Variants in MAGI1 observed in about 807,000 individuals in gnomAD.
The protein encoded by MAGI1 is membrane associated guanylate kinase, WW and PDZ domain containing 1, also known as membrane-associated guanylate kinase, WW and PDZ domain-containing protein 1.
Under a neutral mutation model 139.9 loss-of-function variants are expected in MAGI1, and 58 were observed. The ratio of observed to expected loss-of-function variants is 0.41; its 90% CI spans 0.34 to 0.52. The LOEUF is 0.52. Among genes scored for constraint, MAGI1 ranks in the 20% least tolerant of loss-of-function variants. The probability of loss-of-function intolerance (pLI) is 0.12; values close to 1 mark genes in which losing one functional copy is unlikely to be tolerated. For missense variants in MAGI1, 1,874 were observed against 1,901.6 expected, an observed-to-expected ratio of 0.99 and a Z score of 0.27; for synonymous variants, 812 against 737.9, an observed-to-expected ratio of 1.10 and a Z score of -1.63.
At chr3:65,401,374 C>CCCCCACCCCCCCCCCCCCCAA in intron 13 of MAGI1, 65 bp downstream of exon 13, 1 of 985,882 alleles carries the variant, frequency 1.0e-6, no homozygotes, top group Non-Finnish European at 1.6e-6. Flanking sequence ...GAGTACCCTC[C>CCCCCACCCCCCCCCCCCCCAA]CACCTCCAGC....
chr3:65,727,278 C>T (rs2033725543), intron 1 of MAGI1, among the ~76,000 whole-genome samples: 1 of 152,194 alleles, frequency 6.6e-6, no homozygotes, highest in South Asian at 2.1e-4. Context: ...TAGGAATTCA[C>T]AGAACACAGT....
At chr3:66,001,346 AATT>A (rs1560099275) in intron 1 of MAGI1, among the ~76,000 whole-genome samples, 1 of 152,194 alleles carries the variant, frequency 6.6e-6, no homozygotes, top group African/African-American at 2.4e-5. Context: ...AATATCTAAA[AATT>A]ATTATGATTA....
intron 2 of MAGI1, among the ~76,000 whole-genome samples, chr3:65,619,245 T>C (rs1384323975): frequency 6.6e-6 from 1 of 152,198 alleles, no homozygotes; most frequent in Non-Finnish European, 1.5e-5. Flanking sequence ...TGTTGCTTCA[T>C]CTTTTGGCCA....
At chr3:65,455,906 G>A (rs56848495) in intron 5 of MAGI1, among the ~76,000 whole-genome samples, 18,591 of 152,090 alleles carry the variant, frequency 0.12, 2,464 homozygotes, top group East Asian at 0.73. Context: ...TGGAATGAAT[G>A]TATCACAGCC....
chr3:65,745,404 T>C (rs2035617755), intron 1 of MAGI1, among the ~76,000 whole-genome samples: 1 of 152,150 alleles, frequency 6.6e-6, no homozygotes, highest in Admixed American at 6.5e-5. Flanking sequence ...AAGATCATCT[T>C]GCACAGTTCT....
chr3:65,568,606 T>C (rs1576346049), intron 2 of MAGI1, among the ~76,000 whole-genome samples: 1 of 152,154 alleles, frequency 6.6e-6, no homozygotes, highest in East Asian at 1.9e-4. Context: ...TAAAATGTAT[T>C]CATTCGTTCT....
intron 2 of MAGI1, among the ~76,000 whole-genome samples, chr3:65,517,185 C>A (rs1242232973): frequency 6.6e-6 from 1 of 152,140 alleles, no homozygotes; most frequent in Non-Finnish European, 1.5e-5. Flanking sequence ...AGAATCATGC[C>A]TCAGGGCCTT....
intron 2 of MAGI1, among the ~76,000 whole-genome samples, chr3:65,587,456 TTTTA>T (rs1168338249): frequency 6.6e-6 from 1 of 151,792 alleles, no homozygotes; most frequent in East Asian, 1.9e-4. Flanking sequence ...TTCTTTGCCA[TTTTA>T]TTTTATTATT....
At chr3:65,876,608 A>G (rs1236205872) in intron 1 of MAGI1, among the ~76,000 whole-genome samples, 1 of 152,184 alleles carries the variant, frequency 6.6e-6, no homozygotes, top group East Asian at 1.9e-4. Context: ...GCCAGAAGGA[A>G]CAGCTTACAG....
chr3:65,933,855 G>A (rs2062920516), intron 1 of MAGI1, among the ~76,000 whole-genome samples: 1 of 152,294 alleles, frequency 6.6e-6, no homozygotes, highest in African/African-American at 2.4e-5. Context: ...GTCAGGTGCG[G>A]GGGCTCATGC....
chr3:65,876,591 G>T (rs2060127177), intron 1 of MAGI1, among the ~76,000 whole-genome samples: 1 of 152,072 alleles, frequency 6.6e-6, no homozygotes, highest in South Asian at 2.1e-4. Context: ...TAAATATAGA[G>T]GGAAATGCCA....
intron 1 of MAGI1, among the ~76,000 whole-genome samples, chr3:65,708,003 T>C (rs941084612): frequency 1.8e-4 from 27 of 152,312 alleles, no homozygotes; most frequent in African/African-American, 6.3e-4. Flanking sequence ...GTCTACACAC[T>C]TTAAAAGCAT....
At position 65,423,388 on chromosome 3, in the gene MAGI1, A is replaced by G. The variant is rs967032032; in HGVS notation, c.2167+6132T>C. ...CACACGTGCGTGCACACACGCGCAC[A>G]CACACACACACAGAGAAGAGCTAAT... On this transcript the variant is annotated intron_variant, in intron 12 of 22. Transcript: ENST00000402939. Among the ~76,000 whole-genome samples, 6 of 152,260 alleles carry G rather than the reference A, an allele frequency of 3.9e-5. No individual in the cohort carries two copies. In the South Asian group the frequency reaches 6.2e-4, roughly 16 times the overall value.
chr3:65,773,268 C>T (rs966265372), intron 1 of MAGI1, among the ~76,000 whole-genome samples: 2 of 152,160 alleles, frequency 1.3e-5, no homozygotes, highest in Non-Finnish European at 2.9e-5. Context: ...CACCATGGCT[C>T]ACACCTGTAA....
chr3:65,664,754 A>C lies in MAGI1; in HGVS notation c.314-42666T>G, dbSNP rs1217104871. Reference sequence around the variant, plus strand: ...GTATGTTTCCAGTGGAGATCAAACAAGACCATGGCCTGTCCTTCTGTTTCA... The same window carrying C: ...GTATGTTTCCAGTGGAGATCAAACACGACCATGGCCTGTCCTTCTGTTTCA... On this transcript the variant is annotated intron_variant, in intron 1 of 22. Coordinates refer to ENST00000402939, the MANE Select transcript of MAGI1 (RefSeq NM_001033057.2). 3.9e-5 allele frequency among the ~76,000 whole-genome samples: 6 copies of C among 152,204 alleles called. 1 individual carries two copies.
intron 15 of MAGI1, among the ~76,000 whole-genome samples, chr3:65,382,958 T>C (rs1943173212): frequency 1.3e-5 from 2 of 152,206 alleles, no homozygotes; most frequent in South Asian, 4.1e-4. Flanking sequence ...CTATTTCAGT[T>C]TTCTTTTCTT....
intron 1 of MAGI1, among the ~76,000 whole-genome samples, chr3:65,679,361 T>C (rs1341619748): frequency 6.6e-6 from 1 of 152,106 alleles, no homozygotes; most frequent in Non-Finnish European, 1.5e-5. Flanking sequence ...GATTCTTTGA[T>C]AAATTTCATC....
intron 2 of MAGI1, among the ~76,000 whole-genome samples, chr3:65,547,639 GCA>G (rs2079566813): frequency 6.6e-6 from 1 of 152,082 alleles, no homozygotes; most frequent in South Asian, 2.1e-4. Flanking sequence ...TCAAATCCGA[GCA>G]CAGTCACATG....
intron 2 of MAGI1, among the ~76,000 whole-genome samples, chr3:65,515,846 C>A (rs1235988148): frequency 1.3e-5 from 2 of 151,874 alleles, no homozygotes; most frequent in Admixed American, 6.6e-5. Context: ...ACAACCACAA[C>A]AGCAAGCCTG....
Sources: gnomAD v4.1 joint callset for allele counts (sites outside exome capture counted in the v4.1 genomes callset) on GRCh38, gnomAD v4.1.1 for gene constraint, MANE v1.5 for transcripts, NCBI Gene and HGNC (gene_info 2026-07-23, HGNC 2026-07-21) for gene names.